The following R3HCC1L variants were observed in gnomAD, a reference collection of about 807,000 sequenced individuals.
The protein encoded by R3HCC1L is coiled-coil domain-containing protein R3HCC1L.
In R3HCC1L, 51 loss-of-function variants were observed where a neutral mutation model predicts 59.9. The observed-to-expected ratio is 0.85, with a 90% CI of 0.68 to 1.07. The LOEUF is 1.07. R3HCC1L is among the 50% of genes least tolerant of loss of function. The probability of loss-of-function intolerance (pLI) is 0.00; values close to 1 mark genes in which losing one functional copy is unlikely to be tolerated. For missense variants in R3HCC1L, 965 were observed against 933.0 expected (o/e 1.03, Z -0.45); for synonymous variants, 322 against 315.2 (o/e 1.02, Z -0.23).
In R3HCC1L at chr10:98,244,073, T is replaced by TA. The variant is rs761152973; in HGVS notation, c.2270-17dup. 75 of 1,612,764 alleles carry TA rather than the reference T, an allele frequency of 4.7e-5. No individual in the cohort carries two copies. The South Asian group carries it at 7.9e-4, about 17-fold the overall frequency. ...ATATGAAGTAGACAACTGTGGTTAA[T>TA]ACTGCTCTTATTTACAGAGAGAAAG... On this transcript the variant is annotated splice_polypyrimidine_tract_variant and intron_variant, in intron 9 of 9. Transcript: ENST00000298999.
intron 1 of R3HCC1L, among the ~76,000 whole-genome samples, chr10:98,150,229 C>CTT (rs1376231859): frequency 6.6e-6 from 1 of 152,222 alleles, no homozygotes; most frequent in African/African-American, 2.4e-5. Flanking sequence ...ACTGAATTCA[C>CTT]TTAAAATGGC....
chr10:98,159,426 A>C (rs1273939632), intron 2 of R3HCC1L, among the ~76,000 whole-genome samples: 2 of 152,202 alleles, frequency 1.3e-5, no homozygotes, highest in Admixed American at 1.3e-4. Context: ...TCATAGTCAC[A>C]GTCCCTTTGT....
intron 4 of R3HCC1L, among the ~76,000 whole-genome samples, chr10:98,168,027 G>A (rs568912415): frequency 6.6e-6 from 1 of 152,268 alleles, no homozygotes; most frequent in East Asian, 1.9e-4. Context: ...TAGGATGTCA[G>A]TTAAACCCAG....
chr10:98,176,570 C>G (rs1302395078), intron 4 of R3HCC1L, among the ~76,000 whole-genome samples: 1 of 152,076 alleles, frequency 6.6e-6, no homozygotes, highest in Non-Finnish European at 1.5e-5. Flanking sequence ...TCCTCATAAC[C>G]TTGCTAAACT....
chr10:98,205,595 G>T (rs1852547643), intron 4 of R3HCC1L, among the ~76,000 whole-genome samples: 1 of 152,210 alleles, frequency 6.6e-6, no homozygotes, highest in African/African-American at 2.4e-5. Flanking sequence ...CACTTGGAAA[G>T]CTGATTGCTG....
chr10:98,218,296 C>G (rs1489701446), intron 5 of R3HCC1L, among the ~76,000 whole-genome samples: 2 of 151,456 alleles, frequency 1.3e-5, no homozygotes, highest in Non-Finnish European at 1.5e-5. Flanking sequence ...TTCTGTTGAT[C>G]TAATGTATCA....
intron 5 of R3HCC1L, 136 bp from the exon 6 acceptor site, chr10:98,231,376 T>C (rs1856366761): frequency 2.5e-5 from 19 of 771,470 alleles, no homozygotes; most frequent in Non-Finnish European, 3.3e-5. Flanking sequence ...TGAGTAGAAT[T>C]AATACAGAGA....
intron 4 of R3HCC1L, among the ~76,000 whole-genome samples, chr10:98,183,962 T>G (rs928640233): frequency 6.7e-6 from 1 of 150,100 alleles, no homozygotes; most frequent in African/African-American, 2.4e-5. Flanking sequence ...TTTTCGGTTT[T>G]TTTTTTTTTT....
intron 4 of R3HCC1L, among the ~76,000 whole-genome samples, chr10:98,190,179 G>A (rs767824180): frequency 2.6e-5 from 4 of 152,150 alleles, no homozygotes; most frequent in African/African-American, 9.7e-5. Context: ...TGCATGTTCA[G>A]TACAGACACA....
chr10:98,161,481 T>C (rs1847414911), intron 2 of R3HCC1L, among the ~76,000 whole-genome samples: 1 of 152,136 alleles, frequency 6.6e-6, no homozygotes, highest in Admixed American at 6.5e-5. Flanking sequence ...TGCGTAGGTA[T>C]GAATGTTTAG....
In R3HCC1L at chr10:98,234,485, T is replaced by C. The variant is rs1482630855; in HGVS notation, c.2001T>C (p.His667=). 6.2e-7 allele frequency: 1 copy of C among 1,613,564 alleles called. No individual in the cohort carries two copies. Among genetic ancestry groups the C allele is most frequent in the South Asian group, 1.1e-5 (1 of 91,022 alleles). Residue 667 remains histidine, a synonymous_variant, in exon 7 of 10, where the codon CAT becomes CAC. Coordinates refer to ENST00000298999, the MANE Select transcript of R3HCC1L (RefSeq NM_001351015.2). ...GFDIKWVDDT[H]ALGVFSSPIT... ...ATATTAAATGGGTGGATGATACACA[T>C]GCCCTAGGAGTATTCTCCAGTCCAA...
At chr10:98,225,755 A>G (rs1309999313) in intron 5 of R3HCC1L, among the ~76,000 whole-genome samples, 3 of 152,242 alleles carry the variant, frequency 2.0e-5, no homozygotes, top group Non-Finnish European at 2.9e-5. Context: ...AGATATAAGT[A>G]TACAAGTTTA....
At chr10:98,168,218 A>G (rs1239623236) in intron 4 of R3HCC1L, among the ~76,000 whole-genome samples, 1 of 152,122 alleles carries the variant, frequency 6.6e-6, no homozygotes, top group East Asian at 1.9e-4. Flanking sequence ...TACATATTAT[A>G]TTGCCATTGT....
intron 2 of R3HCC1L, among the ~76,000 whole-genome samples, chr10:98,156,712 G>A (rs1207588643): frequency 6.6e-6 from 1 of 152,148 alleles, no homozygotes; most frequent in African/African-American, 2.4e-5. Flanking sequence ...GTTGGCACTT[G>A]GGTATTTTAT....
chr10:98,217,147 G>C (rs558692984), intron 5 of R3HCC1L, among the ~76,000 whole-genome samples: 4 of 152,160 alleles, frequency 2.6e-5, no homozygotes, highest in Non-Finnish European at 5.9e-5. Context: ...GAGTTTTATA[G>C]TTTCAGGTCT....
chr10:98,209,047 T>A lies in R3HCC1L; in HGVS notation c.933T>A (p.Thr311=), dbSNP rs1372243972. 1.9e-6 allele frequency: 3 copies of A among 1,613,546 alleles called. No individual in the cohort carries two copies. Among genetic ancestry groups the A allele is most frequent in the Non-Finnish European group, 2.5e-6 (3 of 1,179,506 alleles). Residue 311 remains threonine (T), a synonymous_variant, in exon 5 of 10, where the codon ACT becomes ACA. Transcript: ENST00000298999. ...AAGATACAGATTCCATTCCTGCAACTATGGGTCACATCTCTCTGTCAGAGA... is the reference window on the plus strand; with the variant it reads ...AAGATACAGATTCCATTCCTGCAACAATGGGTCACATCTCTCTGTCAGAGA... ...DQKDTDSIPA[T]MGHISLSEST... is the part of the protein sequence containing the mutation.
chr10:98,163,904 ATATT>A (rs928994200), intron 4 of R3HCC1L, among the ~76,000 whole-genome samples: 21 of 152,382 alleles, frequency 1.4e-4, no homozygotes, highest in African/African-American at 5.0e-4. Context: ...TAACTTTTAA[ATATT>A]ACCCTATAAG....
chr10:98,154,404 G>C (rs1846631211), intron 1 of R3HCC1L, among the ~76,000 whole-genome samples: 3 of 152,056 alleles, frequency 2.0e-5, no homozygotes, highest in Admixed American at 1.3e-4. Context: ...TCTTTCCTTG[G>C]GGACACTGAA....
At chr10:98,227,258 A>G (rs528765644) in intron 5 of R3HCC1L, among the ~76,000 whole-genome samples, 57 of 152,324 alleles carry the variant, frequency 3.7e-4, no homozygotes, top group African/African-American at 1.2e-3. Context: ...CATGTTTTAC[A>G]TGTAAAACTG....
Sources: gnomAD v4.1 joint callset for allele counts (sites outside exome capture counted in the v4.1 genomes callset) on GRCh38, gnomAD v4.1.1 for gene constraint, MANE v1.5 for transcripts, NCBI Gene and HGNC (gene_info 2026-07-23, HGNC 2026-07-21) for gene names.